BRF1: variants seen among roughly 807,000 people sequenced by gnomAD.
BRF1 encodes BRF1 general transcription factor IIIB subunit.
In BRF1, 59 loss-of-function variants were observed where a neutral mutation model predicts 81.7. That is an observed-to-expected ratio of 0.72 (90% CI 0.59 to 0.90). The LOEUF (loss-of-function observed/expected upper bound fraction) is 0.90, where lower values mean the gene tolerates loss of function less well. BRF1 is among the 40% of genes least tolerant of loss of function. BRF1 has a pLI of 0.00. For missense variants in BRF1, 1,050 were observed against 936.3 expected (o/e 1.12, Z -1.58); for synonymous variants, 491 against 395.6 (o/e 1.24, Z -2.86).
At chr14:105,219,604 C>G (rs1475990154) in intron 12 of BRF1, 3 of 428,882 alleles carry the variant, frequency 7.0e-6, no homozygotes, top group Non-Finnish European at 1.3e-5. Context: ...GTCTGAGGCA[C>G]CACGTGGCCA....
At chr14:105,287,438 C>T (rs1274524360) in intron 1 of BRF1, among the ~76,000 whole-genome samples, 2 of 152,218 alleles carry the variant, frequency 1.3e-5, no homozygotes, top group African/African-American at 2.4e-5. Context: ...CGTCGGCCCT[C>T]AGTGGTTGGC....
Position 105,210,563 on chromosome 14 carries a change from G to A in BRF1, c.2022C>T (p.Asp674=), listed in dbSNP as rs587727146. The part of the protein sequence containing the change: ...SNDYGCDGDE[D]DGY The stretch of plus-strand genomic sequence containing the variant: ...TGGAGGCCACACTTCAGTAGCCGTC[G>A]TCCTCATCGCCATCACAGCCATAGT... The change falls in exon 18 of 18, where the codon GAC becomes GAT. Residue 674 remains aspartate, a synonymous_variant. Transcript: ENST00000547530. This position sits in a 1 kb window ranked among gnomAD's most constrained non-coding sequence, Gnocchi z 4.7. 6.6e-5 allele frequency: 106 copies of A among 1,611,418 alleles called. No individual in the cohort carries two copies. In the East Asian group the frequency reaches 1.9e-3, roughly 28 times the overall value.
intron 10 of BRF1, among the ~76,000 whole-genome samples, chr14:105,223,967 A>G (rs915100557): frequency 6.6e-6 from 1 of 152,236 alleles, no homozygotes; most frequent in African/African-American, 2.4e-5. Flanking sequence ...GCCGCACCCA[A>G]TAGTTTAACG....
chr14:105,293,756 C>T (rs1049683632), intron 1 of BRF1, among the ~76,000 whole-genome samples: 5 of 152,222 alleles, frequency 3.3e-5, no homozygotes, highest in African/African-American at 1.2e-4. Flanking sequence ...GCTGGAGCAC[C>T]AGTGTGGTTT....
Position 105,309,394 on chromosome 14 carries a change from G to A in BRF1, c.-162+5928C>T, listed in dbSNP as rs898017265. The stretch of plus-strand genomic sequence containing the variant: ...GTTGCTAAAACTGAGGCAGCGTTCC[G>A]TTTTGCTGGTTATTCCACATCCCAT... On this transcript the variant is annotated intron_variant, in intron 1 of 17. Transcript: ENST00000327359. This position sits in a 1 kb window ranked among gnomAD's most constrained non-coding sequence, Gnocchi z 4.0. Among the ~76,000 whole-genome samples the A allele has an allele frequency of 1.8e-4, 28 of 152,160 alleles. No individual in the cohort carries two copies. Among genetic ancestry groups the A allele is most frequent in the Admixed American group, 2.6e-4 (4 of 15,268 alleles).
At chr14:105,240,984 C>G (rs912068045) in intron 6 of BRF1, among the ~76,000 whole-genome samples, 1 of 152,346 alleles carries the variant, frequency 6.6e-6, no homozygotes, top group Middle Eastern at 3.4e-3. Flanking sequence ...GCAGGGATGC[C>G]CATGCAGCCG....
chr14:105,292,730 G>A (rs1328516212), intron 1 of BRF1, among the ~76,000 whole-genome samples: 1 of 152,174 alleles, frequency 6.6e-6, no homozygotes, highest in Admixed American at 6.5e-5. Flanking sequence ...GAGGAGCACT[G>A]ACAAACAGGG....
intron 15 of BRF1, chr14:105,217,294 A>G: frequency 1.6e-6 from 1 of 607,678 alleles, no homozygotes; most frequent in Non-Finnish European, 2.9e-6. Flanking sequence ...GACAAAACAG[A>G]GCCTAGGCTG....
At chr14:105,287,700 C>T (rs1051728198) in intron 1 of BRF1, among the ~76,000 whole-genome samples, 2 of 152,212 alleles carry the variant, frequency 1.3e-5, no homozygotes, top group African/African-American at 4.8e-5. Flanking sequence ...GCAGAACAGG[C>T]ACGGCCTCTG....
intron 2 of BRF1, among the ~76,000 whole-genome samples, chr14:105,283,628 G>A (rs1353378579): frequency 6.6e-6 from 1 of 152,198 alleles, no homozygotes; most frequent in African/African-American, 2.4e-5. Context: ...AAGGTAAGAT[G>A]AGCCATTTCT....
Position 105,256,814 on chromosome 14 carries a change from C to T in BRF1, c.440-265G>A, listed in dbSNP as rs147407865. On this transcript the variant is annotated intron_variant, in intron 3 of 17. Transcript: ENST00000547530. Reference sequence around the variant, plus strand: ...CAAGGGACTGCAAGGAACCTGGAGCCGGGTCGGGGGAACCAGAAACGGTGG... The same window carrying T: ...CAAGGGACTGCAAGGAACCTGGAGCTGGGTCGGGGGAACCAGAAACGGTGG... Among the ~76,000 whole-genome samples, 218 of 152,270 alleles carry T rather than the reference C, an allele frequency of 1.4e-3. 2 individuals are homozygous for T. The Middle Eastern group carries it at 0.02, about 14-fold the overall frequency.
intron 5 of BRF1, chr14:105,249,847 T>C: frequency 6.2e-7 from 1 of 1,613,202 alleles, no homozygotes; most frequent in Non-Finnish European, 8.5e-7. Flanking sequence ...GGGAGGTCAT[T>C]GACGCACAGG....
chr14:105,229,454 C>G (rs907390663), intron 6 of BRF1, among the ~76,000 whole-genome samples: 3 of 152,198 alleles, frequency 2.0e-5, no homozygotes, highest in Non-Finnish European at 4.4e-5. Context: ...ACTCTGTGGG[C>G]ACGAGGGTAA....
At chr14:105,219,472 G>A in intron 12 of BRF1, 1 of 813,978 alleles carries the variant, frequency 1.2e-6, no homozygotes, top group African/African-American at 1.7e-5. Context: ...CCCTAGGGCA[G>A]CTTGCAAGCC....
intron 1 of BRF1, among the ~76,000 whole-genome samples, chr14:105,291,955 G>A (rs1595479683): frequency 6.6e-6 from 1 of 151,962 alleles, no homozygotes; most frequent in Non-Finnish European, 1.5e-5. Context: ...ATGAGATTGC[G>A]CCATTGCACT....
At position 105,286,281 on chromosome 14, in the gene BRF1, C is replaced by T. The variant is rs371429439; in HGVS notation, c.265+15G>A. On this transcript the variant is annotated intron_variant, in intron 2 of 17. Transcript: ENST00000547530. Reference sequence around the variant, plus strand: ...GACCCGCCGCACGCTCAGCAGCATCCGCGGTGGGAAATACCATTCTGCAGG... The same window carrying T: ...GACCCGCCGCACGCTCAGCAGCATCTGCGGTGGGAAATACCATTCTGCAGG... 27 of 1,609,438 alleles carry T rather than the reference C, an allele frequency of 1.7e-5. No homozygotes were observed. The highest frequency in any genetic ancestry group is 1.7e-4 in the Middle Eastern group (1 of 5,966).
At chr14:105,249,230 A>G in intron 5 of BRF1, 1 of 1,584,838 alleles carries the variant, frequency 6.3e-7, no homozygotes, top group African/African-American at 1.3e-5. Flanking sequence ...GGCGACCAGG[A>G]CGGTGCCCGC....
intron 3 of BRF1, among the ~76,000 whole-genome samples, chr14:105,257,908 GAGAGGAGGGTTCC>G (rs1163581727): frequency 6.6e-6 from 1 of 152,146 alleles, no homozygotes; most frequent in Non-Finnish European, 1.5e-5. Flanking sequence ...TGGGTGGGCC[GAGAGGAGGGTTCC>G]AGGACGCTGC....
chr14:105,240,716 AGAGAGAGG>A lies in BRF1; in HGVS notation c.694+541_694+548del, dbSNP rs1265200028. ...AGGAGCAACAACCTAGCATCTCAGG[AGAGAGAGG>A]CCACACCACTATCCGCGTAGTCGCC... On this transcript the variant is annotated intron_variant, in intron 6 of 17. Coordinates refer to ENST00000547530, the MANE Select transcript of BRF1 (RefSeq NM_001519.4). 8.2e-3 allele frequency among the ~76,000 whole-genome samples: 84 copies of A among 10,206 alleles called. 16 individuals carry two copies. Among genetic ancestry groups the A allele is most frequent in the African/African-American group, 0.036 (81 of 2,260 alleles). 6.7% of individuals were successfully genotyped at this position (10,206 alleles called of 152,430 possible). A position where few individuals can be genotyped will look rare whatever the true frequency, so the allele number is the denominator to read the frequency against.
Sources: allele counts gnomAD v4.1 joint callset (sites outside exome capture counted in the v4.1 genomes callset), GRCh38; gene constraint gnomAD v4.1.1; non-coding constraint Gnocchi (gnomAD v3.1); transcripts MANE v1.5; gene names NCBI Gene and HGNC (gene_info 2026-07-23, HGNC 2026-07-21).